The following SNTG1 variants were observed in gnomAD, a reference collection of about 807,000 sequenced individuals.
SNTG1 encodes syntrophin gamma 1, also known as gamma-1-syntrophin.
A neutral mutation model predicts 74.7 loss-of-function variants in SNTG1; 39 were observed. The observed-to-expected ratio is 0.52, with a 90% CI of 0.40 to 0.68. The LOEUF (loss-of-function observed/expected upper bound fraction) is 0.68. Among genes scored for constraint, SNTG1 ranks in the 30% least tolerant of loss-of-function variants. The pLI, the probability that SNTG1 is intolerant of heterozygous loss-of-function variation, is 0.00. For synonymous variants in SNTG1, 254 were observed against 217.1 expected (o/e 1.17, Z -1.49); for missense variants, 685 against 609.5 (o/e 1.12, Z -1.30).
intron 1 of SNTG1, among the ~76,000 whole-genome samples, chr8:50,145,227 A>G (rs2081815296): frequency 6.6e-6 from 1 of 152,176 alleles, no homozygotes; most frequent in Non-Finnish European, 1.5e-5. Flanking sequence ...GAGACTCTTC[A>G]TCGAGTGCTA....
chr8:50,739,482 A>C (rs1030800033), intron 17 of SNTG1, among the ~76,000 whole-genome samples: 1 of 152,118 alleles, frequency 6.6e-6, no homozygotes, highest in African/African-American at 2.4e-5. Context: ...AAATTAGTTC[A>C]GCCATTGTGG....
At chr8:50,707,247 T>G (rs2095446373) in intron 16 of SNTG1, among the ~76,000 whole-genome samples, 1 of 152,096 alleles carries the variant, frequency 6.6e-6, no homozygotes, top group Non-Finnish European at 1.5e-5. Context: ...CCTGACATTT[T>G]CTTGTTTAAA....
At chr8:49,956,956 T>A (rs891552680) in intron 1 of SNTG1, among the ~76,000 whole-genome samples, 3 of 152,294 alleles carry the variant, frequency 2.0e-5, no homozygotes, top group African/African-American at 7.2e-5. Flanking sequence ...ATGTAAGAAC[T>A]CATAGAAACA....
chr8:50,349,970 G>A (rs2130992375), intron 2 of SNTG1, among the ~76,000 whole-genome samples: 1 of 152,336 alleles, frequency 6.6e-6, no homozygotes, highest in East Asian at 1.9e-4. Flanking sequence ...TGGGCCAGCT[G>A]GAGTTCTGGG....
At chr8:49,987,625 A>G (rs1813291069) in intron 1 of SNTG1, among the ~76,000 whole-genome samples, 1 of 145,068 alleles carries the variant, frequency 6.9e-6, no homozygotes, top group Non-Finnish European at 1.5e-5. Context: ...GTAATTGTGG[A>G]TTTTTTCCTT....
At chr8:50,103,148 G>T (rs940782233) in intron 1 of SNTG1, among the ~76,000 whole-genome samples, 28 of 152,078 alleles carry the variant, frequency 1.8e-4, no homozygotes, top group South Asian at 6.2e-4. Context: ...AATTACCTTG[G>T]GCCGTATGGC....
chr8:50,219,961 A>C (rs1044377652), intron 2 of SNTG1, among the ~76,000 whole-genome samples: 3 of 152,188 alleles, frequency 2.0e-5, no homozygotes, highest in Non-Finnish European at 4.4e-5. Flanking sequence ...ATTCACCAGG[A>C]GGGGAGAACA....
chr8:50,205,484 A>G (rs961825355), intron 2 of SNTG1, among the ~76,000 whole-genome samples: 1 of 152,120 alleles, frequency 6.6e-6, no homozygotes, highest in Non-Finnish European at 1.5e-5. Flanking sequence ...CCTTTGTCAG[A>G]TGGGTAGATT....
intron 2 of SNTG1, among the ~76,000 whole-genome samples, chr8:50,313,794 A>G (rs540516327): frequency 8.7e-5 from 13 of 149,944 alleles, no homozygotes; most frequent in Non-Finnish European, 1.9e-4. Context: ...ATTGACAGTG[A>G]TCAATATCTT....
intron 13 of SNTG1, among the ~76,000 whole-genome samples, chr8:50,594,128 A>T (rs950853875): frequency 2.0e-5 from 3 of 152,192 alleles, no homozygotes; most frequent in African/African-American, 7.2e-5. Context: ...CAAAACAGGG[A>T]TAACTGAATG....
chr8:50,688,783 A>C (rs7017534), intron 15 of SNTG1, among the ~76,000 whole-genome samples: 15,519 of 151,856 alleles, frequency 0.1, 2,220 homozygotes, highest in African/African-American at 0.32. Flanking sequence ...GTTTTTTCCA[A>C]TTCTGTGAAG....
intron 1 of SNTG1, among the ~76,000 whole-genome samples, chr8:50,161,622 T>C (rs1431256124): frequency 2.0e-5 from 3 of 152,224 alleles, no homozygotes; most frequent in East Asian, 1.9e-4. Context: ...TGTATGTGTA[T>C]CTGGAGTTCA....
At chr8:50,456,074 G>T (rs553605528) in intron 8 of SNTG1, among the ~76,000 whole-genome samples, 1 of 152,268 alleles carries the variant, frequency 6.6e-6, no homozygotes, top group African/African-American at 2.4e-5. Context: ...CTTTTGAAAA[G>T]AAATAAAATA....
chr8:50,783,712 C>T lies in SNTG1; in HGVS notation c.1396-8959C>T, dbSNP rs188793447. ...ACGGTGCGCTGCACCCAGTGTCCTG[C>T]GCCCACTGTCTGGCACTCCCTAGTG... is the stretch of plus-strand genomic sequence containing the variant. On this transcript the variant is annotated intron_variant, in intron 18 of 18. Transcript: ENST00000642720. Among the ~76,000 whole-genome samples the T allele has an allele frequency of 8.5e-4, 129 of 152,308 alleles. No homozygotes were observed. In the East Asian group the frequency reaches 0.016, roughly 19 times the overall value.
chr8:50,779,403 T>C (rs1243488001), intron 18 of SNTG1, among the ~76,000 whole-genome samples: 5 of 152,298 alleles, frequency 3.3e-5, no homozygotes, highest in African/African-American at 1.2e-4. Flanking sequence ...TAGTTCTCCT[T>C]GAAGAGGTCC....
chr8:50,458,648 A>G (rs966278490), intron 8 of SNTG1, among the ~76,000 whole-genome samples: 1 of 152,172 alleles, frequency 6.6e-6, no homozygotes, highest in African/African-American at 2.4e-5. Flanking sequence ...AGCATTTTAC[A>G]TGTCTACACT....
At chr8:50,205,358 CA>C (rs1224425138) in intron 2 of SNTG1, among the ~76,000 whole-genome samples, 1 of 152,122 alleles carries the variant, frequency 6.6e-6, no homozygotes, top group African/African-American at 2.4e-5. Flanking sequence ...GTTGGCTGCA[CA>C]AAATGTCTTC....
chr8:50,448,056 G>A (rs1364995530), intron 5 of SNTG1, among the ~76,000 whole-genome samples: 1 of 152,108 alleles, frequency 6.6e-6, no homozygotes, highest in Non-Finnish European at 1.5e-5. Flanking sequence ...CAGAGGCAGG[G>A]TCATCTTAGA....
At chr8:50,319,050 AT>A (rs555385406) in intron 2 of SNTG1, among the ~76,000 whole-genome samples, 16 of 152,008 alleles carry the variant, frequency 1.1e-4, no homozygotes, top group Non-Finnish European at 1.6e-4. Flanking sequence ...ATATATATCT[AT>A]GTATACAGAT....
Sources: allele counts gnomAD v4.1 joint callset (sites outside exome capture counted in the v4.1 genomes callset), GRCh38; gene constraint gnomAD v4.1.1; transcripts MANE v1.5; gene names NCBI Gene and HGNC (gene_info 2026-07-23, HGNC 2026-07-21).